The following C4BPA variants were observed in gnomAD, a reference collection of about 807,000 sequenced individuals.
C4BPA encodes the protein C4b-binding protein alpha chain.
C4BPA carries 31 observed loss-of-function variants against 63.7 expected under a neutral mutation model. The observed-to-expected ratio is 0.49, with a 90% CI of 0.37 to 0.66. C4BPA has a LOEUF of 0.66. Ranked by LOEUF, C4BPA falls within the 30% of genes least tolerant of loss-of-function variation. C4BPA has a pLI of 0.00. For synonymous variants in C4BPA, 259 were observed against 254.7 expected, an observed-to-expected ratio of 1.02 and a Z score of -0.16; for missense variants, 572 against 723.3, an observed-to-expected ratio of 0.79 and a Z score of 2.40.
At chr1:207,104,933 G>A (rs1054059348) in intron 1 of C4BPA, among the ~76,000 whole-genome samples, 8 of 152,076 alleles carry the variant, frequency 5.3e-5, no homozygotes, top group African/African-American at 1.9e-4. Context: ...TAATAAGGAG[G>A]ACACTGGCCA....
chr1:207,122,461 TTTACTC>T (rs756706227), intron 4 of C4BPA, among the ~76,000 whole-genome samples: 9 of 152,210 alleles, frequency 5.9e-5, no homozygotes, highest in Admixed American at 3.9e-4. Context: ...ACCTAATACT[TTTACTC>T]TTAGTTGTTT....
At chr1:207,135,988 T>C (rs899406863) in intron 9 of C4BPA, among the ~76,000 whole-genome samples, 2 of 152,236 alleles carry the variant, frequency 1.3e-5, no homozygotes, top group African/African-American at 4.8e-5. Flanking sequence ...ACTGAGGTTC[T>C]GCAAGGAAGA....
chr1:207,141,161 CA>C lies in C4BPA; in HGVS notation c.1330del (p.Ser444AlafsTer46). ...HGHYKQSSSY[S>X]FFKEEIIYEC... ...GGCATTATAAACAATCTAGTTCATA[CA>C]GCTTTTTCAAAGAAGAGATTATATA... On this transcript the variant is annotated frameshift_variant, in exon 10 of 12. Transcript: ENST00000367070. LOFTEE classifies it high-confidence loss of function. The C allele has an allele frequency of 6.2e-7, 1 of 1,613,492 alleles. No individual in the cohort carries two copies. The highest frequency in any genetic ancestry group is 8.5e-7 in the Non-Finnish European group (1 of 1,179,612).
intron 1 of C4BPA, among the ~76,000 whole-genome samples, chr1:207,108,854 CTGGGATTACAGGCG>C (rs1684610951): frequency 6.6e-6 from 1 of 152,084 alleles, no homozygotes; most frequent in South Asian, 2.1e-4. Flanking sequence ...TCCTGAGTAG[CTGGGATTACAGGCG>C]TGCACCACCA....
intron 10 of C4BPA, among the ~76,000 whole-genome samples, chr1:207,141,606 T>C (rs1162692170): frequency 6.6e-6 from 1 of 152,188 alleles, no homozygotes; most frequent in Non-Finnish European, 1.5e-5. Context: ...CCATAGAAAC[T>C]TGCTCTAGTA....
intron 1 of C4BPA, among the ~76,000 whole-genome samples, chr1:207,109,070 C>G: frequency 6.6e-6 from 1 of 152,222 alleles, no homozygotes; most frequent in Middle Eastern, 3.4e-3. Context: ...GGATGACTTC[C>G]TTTCAGGAAG....
intron 1 of C4BPA, among the ~76,000 whole-genome samples, chr1:207,107,824 A>G (rs1462099245): frequency 6.6e-6 from 1 of 152,204 alleles, no homozygotes; most frequent in East Asian, 1.9e-4. Context: ...AACCTGGACT[A>G]TGGAAGTGGA....
chr1:207,142,174 GT>G (rs763452407), intron 10 of C4BPA, among the ~76,000 whole-genome samples: 4 of 151,498 alleles, frequency 2.6e-5, no homozygotes. Flanking sequence ...GCAGTGTTTG[GT>G]TTTCTGATCT....
chr1:207,115,271 T>C, intron 3 of C4BPA, 145 bp from the exon 4 acceptor site: 1 of 525,898 alleles, frequency 1.9e-6, no homozygotes, highest in Non-Finnish European at 3.4e-6. Flanking sequence ...AATTTTGAGG[T>C]GAGTCAGGGT....
At position 207,137,374 on chromosome 1, in the gene C4BPA, C is replaced by T. The variant is rs1387969364; in HGVS notation, c.1273+2782C>T. Among the ~76,000 whole-genome samples, 6 of 152,116 alleles carry T rather than the reference C, an allele frequency of 3.9e-5. No homozygotes were observed. In the South Asian group the frequency reaches 6.2e-4, roughly 16 times the overall value. On this transcript the variant is annotated intron_variant, in intron 9 of 11. Coordinates refer to ENST00000367070, the MANE Select transcript of C4BPA (RefSeq NM_000715.4). ...CCTGATGACATGTGGCCAAGGTGGT[C>T]GGGGTACAGCTTGCTTTTATACATT...
At chr1:207,140,797 G>C (rs531626756) in intron 9 of C4BPA, among the ~76,000 whole-genome samples, 1 of 152,178 alleles carries the variant, frequency 6.6e-6, no homozygotes, top group Non-Finnish European at 1.5e-5. Context: ...AGTGTACTAT[G>C]AGTATGATAT....
chr1:207,109,555 A>G (rs941828398), intron 1 of C4BPA, among the ~76,000 whole-genome samples: 4 of 152,136 alleles, frequency 2.6e-5, no homozygotes, highest in African/African-American at 9.7e-5. Flanking sequence ...CAGGACGCCA[A>G]CTCACATGTT....
intron 7 of C4BPA, among the ~76,000 whole-genome samples, chr1:207,129,462 A>G (rs1685116837): frequency 6.6e-6 from 1 of 151,666 alleles, no homozygotes; most frequent in Admixed American, 6.6e-5. Context: ...ATTAATCTAC[A>G]TATCCAAGAA....
intron 9 of C4BPA, among the ~76,000 whole-genome samples, chr1:207,136,588 T>G (rs1387803089): frequency 6.6e-6 from 1 of 152,192 alleles, no homozygotes; most frequent in Non-Finnish European, 1.5e-5. Flanking sequence ...AGCACTTTCT[T>G]TCAGGAAGAT....
At chr1:207,135,225 C>A (rs1411466002) in intron 9 of C4BPA, among the ~76,000 whole-genome samples, 3 of 152,092 alleles carry the variant, frequency 2.0e-5, no homozygotes, top group Non-Finnish European at 2.9e-5. Context: ...GTAGTCCCAG[C>A]TACTCAGGAG....
At chr1:207,132,794 G>T (rs548148658) in intron 8 of C4BPA, among the ~76,000 whole-genome samples, 1 of 152,106 alleles carries the variant, frequency 6.6e-6, no homozygotes, top group Non-Finnish European at 1.5e-5. Flanking sequence ...AGGCTGAGGC[G>T]GGAGGATTGC....
At chr1:207,141,063 T>G (rs759302570) in intron 9 of C4BPA, 43 bp from the exon 10 acceptor site, 3 of 1,517,412 alleles carry the variant, frequency 2.0e-6, no homozygotes. Context: ...CTTTATACAC[T>G]TTACAAACTA....
At chr1:207,123,687 G>C (rs1049731836) in intron 4 of C4BPA, among the ~76,000 whole-genome samples, 2 of 152,162 alleles carry the variant, frequency 1.3e-5, no homozygotes, top group Admixed American at 1.3e-4. Context: ...CTGCATTCCT[G>C]ATCCCTAGTA....
At chr1:207,139,442 TC>T (rs761912863) in intron 9 of C4BPA, among the ~76,000 whole-genome samples, 1 of 152,176 alleles carries the variant, frequency 6.6e-6, no homozygotes, top group Non-Finnish European at 1.5e-5. Flanking sequence ...GGTGTTTTTT[TC>T]TTTAAATTTA....
Sources: gnomAD v4.1 joint callset for allele counts (sites outside exome capture counted in the v4.1 genomes callset) on GRCh38, gnomAD v4.1.1 for gene constraint, MANE v1.5 for transcripts, NCBI Gene and HGNC (gene_info 2026-07-23, HGNC 2026-07-21) for gene names.